The following SERPINA5 variants were observed in gnomAD, a reference collection of about 807,000 sequenced individuals.
SERPINA5 encodes the protein serpin family A member 5, also known as plasma serine protease inhibitor.
SERPINA5 carries 25 observed loss-of-function variants against 25.3 expected under a neutral mutation model. That is an observed-to-expected ratio of 0.99 (90% CI 0.72 to 1.38). The LOEUF (loss-of-function observed/expected upper bound fraction) is 1.38, where lower values mean the gene tolerates loss of function less well. Ranked by LOEUF, SERPINA5 falls within the 40% of genes most tolerant of loss-of-function variation. The pLI is 0.00. For missense variants in SERPINA5, 599 were observed against 509.5 expected, an observed-to-expected ratio of 1.18 and a Z score of -1.69; for synonymous variants, 234 against 206.2, an observed-to-expected ratio of 1.14 and a Z score of -1.16.
intron 5 of SERPINA5, among the ~76,000 whole-genome samples, chr14:94,591,723 T>C (rs1566839450): frequency 6.6e-6 from 1 of 152,150 alleles, no homozygotes; most frequent in Non-Finnish European, 1.5e-5. Context: ...AGGAGTCCTG[T>C]TTTAAACAAT....
At chr14:94,585,249 TGAA>T (rs1302418493) in intron 2 of SERPINA5, among the ~76,000 whole-genome samples, 2 of 152,188 alleles carry the variant, frequency 1.3e-5, no homozygotes, top group African/African-American at 2.4e-5. Flanking sequence ...GGTGCAGGGC[TGAA>T]GGAGTTGGCA....
chr14:94,588,056 T>C (rs1032171919), intron 3 of SERPINA5, 75 bp downstream of exon 3: 2 of 1,526,790 alleles, frequency 1.3e-6, no homozygotes, highest in African/African-American at 2.8e-5. Context: ...CCCAATTCCC[T>C]CACATACATA....
At chr14:94,586,483 T>C (rs1885088894) in intron 2 of SERPINA5, among the ~76,000 whole-genome samples, 1 of 152,190 alleles carries the variant, frequency 6.6e-6, no homozygotes, top group South Asian at 2.1e-4. Context: ...TATCCTGATC[T>C]CCTCTTTTTA....
chr14:94,591,397 TTCTATTCTATTCCATTCCATTCTAC>T (rs1323439094), intron 5 of SERPINA5, among the ~76,000 whole-genome samples: 5 of 151,194 alleles, frequency 3.3e-5, no homozygotes, highest in Non-Finnish European at 5.9e-5. Flanking sequence ...CTCCACTCTA[TTCTATTCTATTCCATTCCATTCTAC>T]TCTATTCTAT....
chr14:94,587,301 G>A, intron 2 of SERPINA5, 45 bp from the exon 3 acceptor site: 1 of 1,512,390 alleles, frequency 6.6e-7, no homozygotes, highest in Admixed American at 2.1e-5. Flanking sequence ...GTCAGCACCT[G>A]GACCAGCTCC....
At chr14:94,590,388 C>T (rs771279663) in intron 4 of SERPINA5, 77 bp downstream of exon 4, 4 of 1,478,534 alleles carry the variant, frequency 2.7e-6, no homozygotes, top group Admixed American at 4.4e-5. Context: ...CAGGGCCACA[C>T]AGCACTGGTG....
At chr14:94,581,997 C>T (rs555384781) in intron 2 of SERPINA5, 1 of 152,294 alleles carries the variant, frequency 6.6e-6, no homozygotes, top group East Asian at 1.9e-4. Context: ...AGGAGGTGCT[C>T]AGTAAGTGGC....
intron 2 of SERPINA5, among the ~76,000 whole-genome samples, chr14:94,583,461 G>A (rs1347110003): frequency 1.3e-5 from 2 of 152,186 alleles, no homozygotes; most frequent in Non-Finnish European, 2.9e-5. Context: ...TGGGTCTTTA[G>A]GATCTAGAGG....
intron 2 of SERPINA5, 128 bp from the exon 3 acceptor site, chr14:94,587,218 T>C: frequency 2.4e-6 from 2 of 833,174 alleles, no homozygotes; most frequent in Non-Finnish European, 3.8e-6. Context: ...GTCTTGCGGG[T>C]GCCATCCCTT....
chr14:94,591,361 C>A (rs1885285265), intron 5 of SERPINA5, among the ~76,000 whole-genome samples: 1 of 149,260 alleles, frequency 6.7e-6, no homozygotes, highest in African/African-American at 2.5e-5. Flanking sequence ...CTCTTCCACT[C>A]CACTCCATTC....
chr14:94,586,326 C>A (rs1462825574), intron 2 of SERPINA5, among the ~76,000 whole-genome samples: 1 of 152,180 alleles, frequency 6.6e-6, no homozygotes, highest in African/African-American at 2.4e-5. Context: ...GCTTCAACAA[C>A]AGAAATTTCT....
Position 94,587,818 on chromosome 14 carries a change from G to C in SERPINA5, c.456G>C (p.Leu152=). The change falls in exon 3 of 6, where the codon CTG becomes CTC. Residue 152 remains leucine (L), a synonymous_variant. Coordinates refer to ENST00000329597, the MANE Select transcript of SERPINA5 (RefSeq NM_000624.6). ...QDTFVSAMKT[L]YLADTFPTNF... ...CCTTCGTAAGTGCCATGAAGACGCTGTACCTGGCAGACACTTTCCCTACCA... is the reference window on the plus strand; with the variant it reads ...CCTTCGTAAGTGCCATGAAGACGCTCTACCTGGCAGACACTTTCCCTACCA... 1 of 1,613,962 alleles carries C rather than the reference G, an allele frequency of 6.2e-7. No homozygotes were observed. Among genetic ancestry groups the C allele is most frequent in the Non-Finnish European group, 8.5e-7 (1 of 1,179,846 alleles).
At chr14:94,587,214 C>G (rs2069973) in intron 2 of SERPINA5, 132 bp from the exon 3 acceptor site, 403,871 of 799,440 alleles carry the variant, frequency 0.51, 107,803 homozygotes, top group Middle Eastern at 0.63. Flanking sequence ...CCCAGTCTTG[C>G]GGGTGCCATC....
At position 94,590,192 on chromosome 14, in the gene SERPINA5, C is replaced by T. The variant is rs2069985; in HGVS notation, c.771C>T (p.Val257=). 7.1e-5 allele frequency: 114 copies of T among 1,614,064 alleles called. 1 individual carries two copies. The highest frequency in any genetic ancestry group is 2.2e-4 in the Admixed American group (13 of 60,020). The change falls in exon 4 of 6, where the codon GTC becomes GTT. Residue 257 remains valine (V), a synonymous_variant. Coordinates refer to ENST00000329597, the MANE Select transcript of SERPINA5 (RefSeq NM_000624.6). ...DRNLSCRVVG[V]PYQGNATALF... The stretch of plus-strand genomic sequence containing the variant: ...ACCTCTCCTGCAGGGTGGTGGGGGT[C>T]CCCTACCAAGGCAATGCCACGGCTT...
rs538126708 is a variant in SERPINA5 at position 94,586,077 on chromosome 14, G to A, written c.-17-1269G>A. Among the ~76,000 whole-genome samples the A allele has an allele frequency of 2.6e-5, 4 of 152,286 alleles. No homozygotes were observed. The South Asian group carries it at 6.2e-4, about 24-fold the overall frequency. ...TGAGCTGTTTCCTACTGCAGAGGGA[G>A]GAGGCAAGACTTCTACCCGTAGCCA... is the stretch of plus-strand genomic sequence containing the variant. On this transcript the variant is annotated intron_variant, in intron 2 of 5. Coordinates refer to ENST00000329597, the MANE Select transcript of SERPINA5 (RefSeq NM_000624.6).
intron 2 of SERPINA5, 94 bp from the exon 3 acceptor site, chr14:94,587,252 A>T: frequency 8.7e-7 from 1 of 1,154,096 alleles, no homozygotes; most frequent in South Asian, 1.5e-5. Flanking sequence ...AATGGACCAA[A>T]CATACCCATT....
At chr14:94,582,125 G>A (rs8005135) in intron 2 of SERPINA5, 45,021 of 152,102 alleles carry the variant, frequency 0.3, 6,927 homozygotes, top group South Asian at 0.34. Context: ...CACCCAGGCC[G>A]GTCATGGCAG....
chr14:94,587,210 C>G lies in SERPINA5; in HGVS notation c.-17-136C>G, dbSNP rs116333378. On this transcript the variant is annotated intron_variant, in intron 2 of 5. Transcript: ENST00000329597. Reference sequence around the variant, plus strand: ...CCCTGTGTAAACCCTCATGCCCAGTCTTGCGGGTGCCATCCCTTCTCTTTG... The same window carrying G: ...CCCTGTGTAAACCCTCATGCCCAGTGTTGCGGGTGCCATCCCTTCTCTTTG... 7.7e-4 allele frequency: 602 copies of G among 785,896 alleles called. 4 individuals carry two copies. The African/African-American group carries it at 9.8e-3, about 13-fold the overall frequency. 48.7% of individuals were successfully genotyped at this position (785,896 alleles called of 1,614,324 possible). A position where few individuals can be genotyped will look rare whatever the true frequency, so the allele number is the denominator to read the frequency against.
chr14:94,590,094 G>T lies in SERPINA5; in HGVS notation c.673G>T (p.Val225Leu), dbSNP rs1468243974. ...AGGCACCCAAGAGCAAGACTTCTAC[G>T]TGACCTCGGAGACTGTGGTGCGGGT... ...HKGTQEQDFY[V>L]TSETVVRVPM... The change falls in exon 4 of 6, where the codon GTG becomes TTG. Residue 225 changes from valine to leucine, a missense_variant. Coordinates refer to ENST00000329597, the MANE Select transcript of SERPINA5 (RefSeq NM_000624.6). The T allele has an allele frequency of 1.2e-6, 2 of 1,611,918 alleles. No homozygotes were observed. Among genetic ancestry groups the T allele is most frequent in the African/African-American group, 2.7e-5 (2 of 74,842 alleles).
Sources: gnomAD v4.1 joint callset for allele counts (sites outside exome capture counted in the v4.1 genomes callset) on GRCh38, gnomAD v4.1.1 for gene constraint, MANE v1.5 for transcripts, NCBI Gene and HGNC (gene_info 2026-07-23, HGNC 2026-07-21) for gene names.